The following TOPBP1 variants were observed in gnomAD, a reference collection of about 807,000 sequenced individuals.
TOPBP1 encodes the protein DNA topoisomerase II binding protein 1.
TOPBP1 carries 28 observed loss-of-function variants against 167.7 expected under a neutral mutation model. The observed-to-expected ratio is 0.17, with a 90% confidence interval of 0.12 to 0.23. The LOEUF is 0.23. Among genes scored for constraint, TOPBP1 ranks in the 10% least tolerant of loss-of-function variants. TOPBP1 has a pLI of 1.00. For synonymous variants in TOPBP1, 598 were observed against 611.4 expected, an observed-to-expected ratio of 0.98 and a Z score of 0.32; for missense variants, 1,554 against 1,809.6, an observed-to-expected ratio of 0.86 and a Z score of 2.56.
chr3:133,646,483 TCTA>T (rs905304276), intron 10 of TOPBP1, among the ~76,000 whole-genome samples: 4 of 151,970 alleles, frequency 2.6e-5, no homozygotes, highest in Non-Finnish European at 5.9e-5. Context: ...AAACCCCATC[TCTA>T]CTAAAAATAC....
At position 133,658,321 on chromosome 3, in the gene TOPBP1, G is replaced by T. The variant is rs189583183; in HGVS notation, c.220-380C>A. The stretch of plus-strand genomic sequence containing the variant: ...GTCTCTACTAAAAATACAAAAATTA[G>T]TCGGGTGCAGTGGCGGGCACCTGCA... On this transcript the variant is annotated intron_variant, in intron 3 of 27. Transcript: ENST00000260810. 3.5e-3 allele frequency among the ~76,000 whole-genome samples: 529 copies of T among 152,112 alleles called. 1 individual carries two copies. Among genetic ancestry groups the T allele is most frequent in the Middle Eastern group, 6.8e-3 (2 of 292 alleles).
intron 12 of TOPBP1, among the ~76,000 whole-genome samples, chr3:133,641,936 A>G (rs1455632971): frequency 1.3e-5 from 2 of 152,060 alleles, no homozygotes; most frequent in African/African-American, 4.8e-5. Flanking sequence ...CTACCCCAGA[A>G]CCTCTCCAAC....
chr3:133,618,817 C>T (rs910158345), intron 20 of TOPBP1, among the ~76,000 whole-genome samples: 1 of 152,086 alleles, frequency 6.6e-6, no homozygotes, highest in Non-Finnish European at 1.5e-5. Flanking sequence ...ACTATGGTTA[C>T]TTTACTTAAC....
intron 14 of TOPBP1, among the ~76,000 whole-genome samples, chr3:133,630,821 C>T (rs2107797589): frequency 6.6e-6 from 1 of 152,280 alleles, no homozygotes; most frequent in East Asian, 1.9e-4. Context: ...ATAGTTAGGC[C>T]TTCCCCACAC....
At chr3:133,632,380 G>C (rs143605363) in intron 14 of TOPBP1, among the ~76,000 whole-genome samples, 1 of 151,948 alleles carries the variant, frequency 6.6e-6, no homozygotes, top group Non-Finnish European at 1.5e-5. Context: ...ACTTCAGCCT[G>C]GGTGACAAGA....
Position 133,655,279 on chromosome 3 carries a change from C to T in TOPBP1, c.742+11G>A, listed in dbSNP as rs771159035. Reference sequence around the variant, plus strand: ...ATGTTTCATTTGTCCCTTTGTGAAACACAGTTTTACCTTTTGGTTCTTGCA... The same window carrying T: ...ATGTTTCATTTGTCCCTTTGTGAAATACAGTTTTACCTTTTGGTTCTTGCA... On this transcript the variant is annotated intron_variant, in intron 6 of 27. Transcript: ENST00000260810. 6.6e-6 allele frequency: 9 copies of T among 1,372,154 alleles called. No individual in the cohort carries two copies. In the African/African-American group the frequency reaches 1.0e-4, roughly 16 times the overall value. The allele number at this position is 1,372,154 out of a possible 1,614,324, so 85.0% of individuals were successfully genotyped here. A position where few individuals can be genotyped will look rare whatever the true frequency, so the allele number is the denominator to read the frequency against.
chr3:133,640,487 T>C (rs957899149), intron 12 of TOPBP1, among the ~76,000 whole-genome samples: 13 of 152,192 alleles, frequency 8.5e-5, no homozygotes, highest in African/African-American at 3.1e-4. Flanking sequence ...CACAGCTCAC[T>C]GCAACCTCCG....
Position 133,649,928 on chromosome 3 carries a change from A to T in TOPBP1, c.1105T>A (p.Phe369Ile), listed in dbSNP as rs1447413296. 1 of 1,596,624 alleles carries T rather than the reference A, an allele frequency of 6.3e-7. No homozygotes were observed. The highest frequency in any genetic ancestry group is 1.2e-5 in the South Asian group (1 of 86,280). ...AGTTTATCTAGCTTTCTGCCACTAAAACCGCAAAGATATATCTGCAAGAAA... is the reference window on the plus strand; with the variant it reads ...AGTTTATCTAGCTTTCTGCCACTAATACCGCAAAGATATATCTGCAAGAAA... The part of the protein sequence containing the change: ...LDGCRIYLCG[F>I]SGRKLDKLRR... The change falls in exon 9 of 28, where the codon TTT becomes ATT. Residue 369 changes from phenylalanine (F) to isoleucine (I), a missense_variant. Around this residue, in one of 3 missense-constraint regions of TOPBP1, gnomAD observed 1,197 missense variants for 1,351.5 expected, o/e 0.89. Transcript: ENST00000260810.
intron 10 of TOPBP1, among the ~76,000 whole-genome samples, chr3:133,646,927 C>T (rs1440511850): frequency 2.6e-5 from 4 of 152,108 alleles, no homozygotes; most frequent in Non-Finnish European, 4.4e-5. Flanking sequence ...AAATCCAGAA[C>T]ATTAAGTAGT....
intron 8 of TOPBP1, among the ~76,000 whole-genome samples, chr3:133,651,139 T>TAAA (rs111889299): frequency 3.8e-4 from 46 of 122,094 alleles, no homozygotes; most frequent in Admixed American, 5.7e-4. Context: ...TTGGCAAGTT[T>TAAA]AAAAAAAAAA....
At chr3:133,617,037 T>C in intron 22 of TOPBP1, 112 bp from the exon 23 acceptor site, 1 of 1,331,316 alleles carries the variant, frequency 7.5e-7, no homozygotes, top group South Asian at 1.6e-5. Flanking sequence ...ATACAAATAA[T>C]GATACAATGC....
chr3:133,617,956 T>G (rs528010113), intron 21 of TOPBP1, among the ~76,000 whole-genome samples: 1 of 152,272 alleles, frequency 6.6e-6, no homozygotes, highest in East Asian at 1.9e-4. Flanking sequence ...AAAAGAACAA[T>G]GGTAGACACC....
At chr3:133,602,017 G>C (rs955668142) in intron 27 of TOPBP1, among the ~76,000 whole-genome samples, 12 of 152,108 alleles carry the variant, frequency 7.9e-5, no homozygotes, top group Non-Finnish European at 1.6e-4. Context: ...TGGGGGGCTG[G>C]GGACGCAAAC....
rs1934814378 is a variant in TOPBP1 at position 133,614,996 on chromosome 3, A to T, written c.3871+1818T>A. ...TATAATAATAATAATAAAAAAATAA[A>T]AAAAAATAAAGCTGTGAGCTTCACC... On this transcript the variant is annotated intron_variant, in intron 23 of 27. Coordinates refer to ENST00000260810, the MANE Select transcript of TOPBP1 (RefSeq NM_007027.4). 4.6e-5 allele frequency among the ~76,000 whole-genome samples: 7 copies of T among 152,036 alleles called. 1 individual carries two copies. Among genetic ancestry groups the T allele is most frequent in the African/African-American group, 1.7e-4 (7 of 41,538 alleles).
intron 14 of TOPBP1, among the ~76,000 whole-genome samples, chr3:133,637,160 G>C (rs1237912252): frequency 6.6e-6 from 1 of 152,038 alleles, no homozygotes; most frequent in African/African-American, 2.4e-5. Context: ...ATCAACACGT[G>C]AATGAGTAAA....
Position 133,656,940 on chromosome 3 carries a change from T to TATAC in TOPBP1, c.364-84_364-83insGTAT, listed in dbSNP as rs1460755231. ...TATACACTATCTCATAAATACATTTTGCTGTTGACAGTTTGAATACATAAG... is the reference window on the plus strand; with the variant it reads ...TATACACTATCTCATAAATACATTTTATACGCTGTTGACAGTTTGAATACATAAG... On this transcript the variant is annotated intron_variant, in intron 4 of 27. Coordinates refer to ENST00000260810, the MANE Select transcript of TOPBP1 (RefSeq NM_007027.4). The TATAC allele has an allele frequency of 3.9e-6, 5 of 1,284,888 alleles. No individual in the cohort carries two copies. The African/African-American group carries it at 7.6e-5, about 20-fold the overall frequency. The allele number at this position is 1,284,888 out of a possible 1,614,324, so 79.6% of individuals were successfully genotyped here.
At chr3:133,615,195 T>C in intron 23 of TOPBP1, among the ~76,000 whole-genome samples, 1 of 152,074 alleles carries the variant, frequency 6.6e-6, no homozygotes, top group East Asian at 1.9e-4. Context: ...TTTGGCCAGG[T>C]GCGGTGGCTC....
Position 133,640,158 on chromosome 3 carries a change from G to A in TOPBP1, c.2034C>T (p.Tyr678=). The change falls in exon 13 of 28, where the codon TAC becomes TAT. Residue 678 remains tyrosine, a synonymous_variant. Coordinates refer to ENST00000260810, the MANE Select transcript of TOPBP1 (RefSeq NM_007027.4). ...ANLLGASVQE[Y]FVRKSNAKKG... is the part of the protein sequence containing the mutation. ...TCTTTGCATTGGATTTGCGAACAAA[G>A]TATTCTTGAACACTGAAATTTATGT... 1 of 1,612,792 alleles carries A rather than the reference G, an allele frequency of 6.2e-7. No individual in the cohort carries two copies. Among genetic ancestry groups the A allele is most frequent in the Non-Finnish European group, 8.5e-7 (1 of 1,179,338 alleles).
rs991069292 is a variant in TOPBP1, at chr3:133,612,626, G to A, written c.3872-74C>T. The A allele has an allele frequency of 7.5e-6, 10 of 1,338,484 alleles. No individual in the cohort carries two copies. The East Asian group carries it at 7.8e-5, about 10-fold the overall frequency. 82.9% of individuals were successfully genotyped at this position (1,338,484 alleles called of 1,614,324 possible). A position where few individuals can be genotyped will look rare whatever the true frequency, so the allele number is the denominator to read the frequency against. ...CTAGGAAAAATGTAATCTCAACTAC[G>A]CATAGAAATTATTTATAAATAAAAT... On this transcript the variant is annotated intron_variant, in intron 23 of 27. Coordinates refer to ENST00000260810, the MANE Select transcript of TOPBP1 (RefSeq NM_007027.4).
Sources: allele counts gnomAD v4.1 joint callset (sites outside exome capture counted in the v4.1 genomes callset), GRCh38; gene constraint gnomAD v4.1.1; regional missense constraint gnomAD v4.1.1; transcripts MANE v1.5; gene names NCBI Gene and HGNC (gene_info 2026-07-23, HGNC 2026-07-21).